TRIM23: variants seen among roughly 807,000 people sequenced by gnomAD.
TRIM23 encodes the protein E3 ubiquitin-protein ligase TRIM23.
In TRIM23, 27 loss-of-function variants were observed where a neutral mutation model predicts 71.0. The observed-to-expected ratio is 0.38, with a 90% CI of 0.28 to 0.52. TRIM23 has a LOEUF of 0.52. TRIM23 is among the 20% of genes least tolerant of loss of function. The probability of loss-of-function intolerance (pLI) is 0.84; values close to 1 mark genes in which losing one functional copy is unlikely to be tolerated. For synonymous variants in TRIM23, 234 were observed against 238.0 expected, an observed-to-expected ratio of 0.98 and a Z score of 0.16; for missense variants, 482 against 692.3, an observed-to-expected ratio of 0.70 and a Z score of 3.41.
At chr5:65,613,903 G>C (rs768840936) in intron 3 of TRIM23, 195 bp downstream of exon 3, 2 of 1,486,102 alleles carry the variant, frequency 1.3e-6, no homozygotes, top group Admixed American at 4.6e-5. Context: ...GCATAGTTTA[G>C]GCATAGGATT....
At chr5:65,616,001 T>C (rs571046325) in intron 2 of TRIM23, among the ~76,000 whole-genome samples, 1 of 152,320 alleles carries the variant, frequency 6.6e-6, no homozygotes, top group African/African-American at 2.4e-5. Context: ...AAGAATTTAC[T>C]TTGAAAATCA....
Position 65,596,118 on chromosome 5 carries a change from T to C in TRIM23, c.1420+303A>G, listed in dbSNP as rs55947854. Among the ~76,000 whole-genome samples, 918 of 152,282 alleles carry C rather than the reference T, an allele frequency of 6.0e-3. 9 individuals are homozygous for C. The highest frequency in any genetic ancestry group is 0.02 in the African/African-American group (836 of 41,556). Reference sequence around the variant, plus strand: ...CTCTATACCACTACGCTACCAGCAGTCACACCCATATAATACTGGTAATAT... The same window carrying C: ...CTCTATACCACTACGCTACCAGCAGCCACACCCATATAATACTGGTAATAT... On this transcript the variant is annotated intron_variant, in intron 9 of 10. Coordinates refer to ENST00000231524, the MANE Select transcript of TRIM23 (RefSeq NM_001656.4).
At chr5:65,614,070 CA>C (rs754779628) in intron 3 of TRIM23, 27 bp downstream of exon 3, 1 of 1,600,942 alleles carries the variant, frequency 6.2e-7, no homozygotes, top group South Asian at 1.1e-5. Context: ...ATGCTCGTAA[CA>C]AATATTTCAC....
rs139652469 is a variant in TRIM23 at position 65,609,176 on chromosome 5, T to C, written c.1044+67A>G. Reference sequence around the variant, plus strand: ...ACAAAATATTAATAAAACACACTAATGTATACCTCTGGTAATTATCTACTT... The same window carrying C: ...ACAAAATATTAATAAAACACACTAACGTATACCTCTGGTAATTATCTACTT... On this transcript the variant is annotated intron_variant, in intron 6 of 10. Coordinates refer to ENST00000231524, the MANE Select transcript of TRIM23 (RefSeq NM_001656.4). 1.8e-4 allele frequency: 266 copies of C among 1,497,496 alleles called. No homozygotes were observed. The African/African-American group carries it at 3.3e-3, about 18-fold the overall frequency. The allele number at this position is 1,497,496 out of a possible 1,614,324, so 92.8% of individuals were successfully genotyped here.
At chr5:65,621,305 TTGTG>T (rs1754938269) in intron 1 of TRIM23, among the ~76,000 whole-genome samples, 2 of 152,190 alleles carry the variant, frequency 1.3e-5, no homozygotes, top group African/African-American at 4.8e-5. Flanking sequence ...TGAGCCAAGA[TTGTG>T]CCACTGCCCT....
chr5:65,600,538 A>C (rs557612343), intron 7 of TRIM23, among the ~76,000 whole-genome samples: 1 of 152,032 alleles, frequency 6.6e-6, no homozygotes, highest in East Asian at 1.9e-4. Flanking sequence ...ACCCCAAACC[A>C]TAAAACTCCT....
chr5:65,590,020 C>T lies in TRIM23; in HGVS notation c.*1749G>A. 1 of 297,520 alleles carries T rather than the reference C, an allele frequency of 3.4e-6. No individual in the cohort carries two copies. The highest frequency in any genetic ancestry group is 6.5e-6 in the Non-Finnish European group (1 of 154,914). 18.4% of individuals were successfully genotyped at this position (297,520 alleles called of 1,614,324 possible). ...AAAATGAATCACACACAAACACCTA[C>T]CATTATACATACATTATAATCAGGC... is the stretch of plus-strand genomic sequence containing the variant. On this transcript the variant is annotated 3_prime_UTR_variant, in exon 11 of 11. Transcript: ENST00000231524.
At chr5:65,605,291 C>T (rs563817807) in intron 6 of TRIM23, among the ~76,000 whole-genome samples, 55 of 152,226 alleles carry the variant, frequency 3.6e-4, no homozygotes, top group African/African-American at 1.3e-3. Context: ...CATAGCTACA[C>T]GTGATGATAG....
intron 9 of TRIM23, among the ~76,000 whole-genome samples, chr5:65,595,328 CGGGCGGA>C (rs1754170623): frequency 6.6e-6 from 1 of 151,832 alleles, no homozygotes; most frequent in Admixed American, 6.6e-5. Flanking sequence ...GAGGCCAAGA[CGGGCGGA>C]TCACGAGGTC....
intron 7 of TRIM23, among the ~76,000 whole-genome samples, chr5:65,601,080 G>C (rs955438012): frequency 2.6e-5 from 4 of 152,132 alleles, no homozygotes; most frequent in African/African-American, 9.7e-5. Flanking sequence ...AAACAGTATG[G>C]GGATTCCTCA....
chr5:65,607,050 CTT>C (rs1031900444), intron 6 of TRIM23: 1 of 152,186 alleles, frequency 6.6e-6, no homozygotes, highest in Non-Finnish European at 1.5e-5. Flanking sequence ...ATGCCAAGAA[CTT>C]TAGATGATGC....
At chr5:65,620,015 G>A (rs147728126) in intron 1 of TRIM23, among the ~76,000 whole-genome samples, 1 of 152,162 alleles carries the variant, frequency 6.6e-6, no homozygotes, top group Non-Finnish European at 1.5e-5. Flanking sequence ...AGCCTGGGAG[G>A]CGGAGGTTGC....
rs571467025 is a variant in TRIM23, at chr5:65,624,285, G to C, written c.-11C>G. On this transcript the variant is annotated 5_prime_UTR_variant, in exon 1 of 11. Coordinates refer to ENST00000231524, the MANE Select transcript of TRIM23 (RefSeq NM_001656.4). Reference sequence around the variant, plus strand: ...AACCAGGGTAGCCATCCTCGCAGGGGAAGCGCCACAGAAACAGCCTTCAGA... The same window carrying C: ...AACCAGGGTAGCCATCCTCGCAGGGCAAGCGCCACAGAAACAGCCTTCAGA... The C allele has an allele frequency of 2.5e-6, 4 of 1,613,692 alleles. No individual in the cohort carries two copies. Among genetic ancestry groups the C allele is most frequent in the Non-Finnish European group, 3.4e-6 (4 of 1,179,976 alleles).
At chr5:65,606,599 C>CTGGA (rs1754513859) in intron 6 of TRIM23, among the ~76,000 whole-genome samples, 3 of 152,216 alleles carry the variant, frequency 2.0e-5, no homozygotes, top group Non-Finnish European at 4.4e-5. Context: ...AGTCAAGAGG[C>CTGGA]CTATTTTCCT....
Position 65,604,907 on chromosome 5 carries a change from T to A in TRIM23, c.1179+4A>T, listed in dbSNP as rs779291511. On this transcript the variant is annotated splice_donor_region_variant and intron_variant, in intron 7 of 10. Transcript: ENST00000231524. ...ATACCTAAAAATAAAGTACAGTACA[T>A]TACCTTTGTAAAAGTGACAGGGATG... is the stretch of plus-strand genomic sequence containing the variant. 2 of 1,612,430 alleles carry A rather than the reference T, an allele frequency of 1.2e-6. No homozygotes were observed. The highest frequency in any genetic ancestry group is 1.7e-6 in the Non-Finnish European group (2 of 1,179,476).
chr5:65,619,419 T>C (rs559318919), intron 1 of TRIM23, among the ~76,000 whole-genome samples: 91 of 152,332 alleles, frequency 6.0e-4, no homozygotes, highest in South Asian at 1.7e-3. Flanking sequence ...AAGTACCTAC[T>C]GCTTACATAA....
chr5:65,624,226 G>A lies in TRIM23; in HGVS notation c.49C>T (p.Arg17Trp), dbSNP rs201428213. 1.2e-5 allele frequency: 20 copies of A among 1,614,164 alleles called. No homozygotes were observed. The highest frequency in any genetic ancestry group is 1.6e-5 in the Non-Finnish European group (19 of 1,180,022). ...NKLGAGVDSG[R>W]QGSRGTAVVK... Reference sequence around the variant, plus strand: ...ACAGCTGTCCCCCGGCTGCCCTGCCGGCCACTGTCTACTCCCGCTCCGAGC... The same window carrying A: ...ACAGCTGTCCCCCGGCTGCCCTGCCAGCCACTGTCTACTCCCGCTCCGAGC... Residue 17 changes from arginine to tryptophan, a missense_variant, in exon 1 of 11, where the codon CGG (arginine) becomes TGG (tryptophan). Arg to Trp is a moderately radical substitution (Grantham distance 101). Around this residue, in one of 2 missense-constraint regions of TRIM23, gnomAD observed 175 missense variants for 196.5 expected, o/e 0.89. Coordinates refer to ENST00000231524, the MANE Select transcript of TRIM23 (RefSeq NM_001656.4).
chr5:65,590,624 G>A lies in TRIM23; in HGVS notation c.*1145C>T, dbSNP rs1170227288. 1.0e-6 allele frequency: 1 copy of A among 990,032 alleles called. No individual in the cohort carries two copies. The highest frequency in any genetic ancestry group is 1.2e-6 in the Non-Finnish European group (1 of 828,742). 61.3% of individuals were successfully genotyped at this position (990,032 alleles called of 1,614,324 possible). A position where few individuals can be genotyped will look rare whatever the true frequency, so the allele number is the denominator to read the frequency against. ...TAATATTCTTTAAAAATGAAAAACA[G>A]TAAAGAGCACACATTTTTATTTACT... On this transcript the variant is annotated 3_prime_UTR_variant, in exon 11 of 11. Transcript: ENST00000231524.
chr5:65,609,483 A>G, intron 5 of TRIM23, 25 bp from the exon 6 acceptor site: 1 of 1,597,854 alleles, frequency 6.3e-7, no homozygotes, highest in Non-Finnish European at 8.5e-7. Flanking sequence ...ATAAATTTTA[A>G]GCAACTGTAA....
Sources: allele counts gnomAD v4.1 joint callset (sites outside exome capture counted in the v4.1 genomes callset), GRCh38; gene constraint gnomAD v4.1.1; regional missense constraint gnomAD v4.1.1; transcripts MANE v1.5; gene names NCBI Gene and HGNC (gene_info 2026-07-23, HGNC 2026-07-21).